The following ERI1 variants were observed in gnomAD, a reference collection of about 807,000 sequenced individuals.
ERI1 encodes 3'-5' exoribonuclease 1.
A neutral mutation model predicts 39.7 loss-of-function variants in ERI1; 39 were observed. The ratio of observed to expected loss-of-function variants is 0.98; its 90% CI spans 0.76 to 1.28. ERI1 has a LOEUF of 1.28. Ranked by LOEUF, ERI1 falls within the 50% of genes most tolerant of loss-of-function variation. ERI1 has a pLI of 0.00. For synonymous variants in ERI1, 204 were observed against 149.6 expected (o/e 1.36, Z -2.65); for missense variants, 581 against 416.9 (o/e 1.39, Z -3.43).
At chr8:9,064,141 G>A (rs1221490098) in intron 3 of ERI1, among the ~76,000 whole-genome samples, 1 of 151,872 alleles carries the variant, frequency 6.6e-6, no homozygotes, top group Non-Finnish European at 1.5e-5. Flanking sequence ...AAGGGATTGG[G>A]GCACAGAGAT....
intron 3 of ERI1, among the ~76,000 whole-genome samples, chr8:9,043,589 A>T (rs531781068): frequency 1.3e-5 from 2 of 152,354 alleles, no homozygotes; most frequent in Admixed American, 6.5e-5. Context: ...AGAAACTTTT[A>T]AATAGATAGT....
chr8:9,003,186 C>T lies in ERI1; in HGVS notation c.108+15C>T, dbSNP rs573980907. ...CCAGTCCCGAGGTGAGGAGTCGACCCGCGCCTGGCTGTTGGCGCCAGCTGC... is the reference window on the plus strand; with the variant it reads ...CCAGTCCCGAGGTGAGGAGTCGACCTGCGCCTGGCTGTTGGCGCCAGCTGC... On this transcript the variant is annotated intron_variant, in intron 1 of 6. Coordinates refer to ENST00000250263, the MANE Select transcript of ERI1 (RefSeq NM_153332.4). 4.0e-6 allele frequency: 5 copies of T among 1,236,724 alleles called. No individual in the cohort carries two copies. Among genetic ancestry groups the T allele is most frequent in the Non-Finnish European group, 5.1e-6 (5 of 988,090 alleles). 76.6% of individuals were successfully genotyped at this position (1,236,724 alleles called of 1,614,324 possible). A position where few individuals can be genotyped will look rare whatever the true frequency, so the allele number is the denominator to read the frequency against.
chr8:9,038,618 G>T (rs768703885), intron 3 of ERI1, among the ~76,000 whole-genome samples: 1 of 152,086 alleles, frequency 6.6e-6, no homozygotes, highest in South Asian at 2.1e-4. Flanking sequence ...TTAGCTGGGC[G>T]TGGTGGCACA....
At chr8:9,005,660 G>T (rs543559179) in intron 1 of ERI1, among the ~76,000 whole-genome samples, 1 of 151,658 alleles carries the variant, frequency 6.6e-6, no homozygotes, top group African/African-American at 2.4e-5. Context: ...GACTACAGGC[G>T]CCCGCCCGGC....
At chr8:9,015,118 T>G (rs560359877) in intron 3 of ERI1, among the ~76,000 whole-genome samples, 1 of 152,332 alleles carries the variant, frequency 6.6e-6, no homozygotes, top group African/African-American at 2.4e-5. Context: ...ATTACAGGCA[T>G]TAGTCACCAC....
chr8:9,038,705 G>A (rs1038471074), intron 3 of ERI1, among the ~76,000 whole-genome samples: 13 of 152,128 alleles, frequency 8.5e-5, no homozygotes, highest in African/African-American at 2.7e-4. Flanking sequence ...TACATTGCAC[G>A]GAGATCTATT....
In ERI1 at chr8:9,003,270, G is replaced by C. The variant is rs942590548; in HGVS notation, c.108+99G>C. On this transcript the variant is annotated intron_variant, in intron 1 of 6. Coordinates refer to ENST00000250263, the MANE Select transcript of ERI1 (RefSeq NM_153332.4). The stretch of plus-strand genomic sequence containing the variant: ...TCTCAGGTGTCCCGCAGAAGGTGCA[G>C]CTGTGCGCCCTTGGACCCCAGCCTC... 44 of 709,592 alleles carry C rather than the reference G, an allele frequency of 6.2e-5. 1 individual carries two copies. In the African/African-American group the frequency reaches 7.7e-4, roughly 12 times the overall value. The allele number at this position is 709,592 out of a possible 1,614,324, so 44.0% of individuals were successfully genotyped here. A position where few individuals can be genotyped will look rare whatever the true frequency, so the allele number is the denominator to read the frequency against.
At position 9,026,859 on chromosome 8, in the gene ERI1, A is replaced by G. The variant is rs1585228689; in HGVS notation, c.808-2933A>G. 4.1e-5 allele frequency among the ~76,000 whole-genome samples: 3 copies of G among 73,980 alleles called. No homozygotes were observed. The South Asian group carries it at 9.0e-4, about 22-fold the overall frequency. The allele number at this position is 73,980 out of a possible 152,430, so 48.5% of individuals were successfully genotyped here. On this transcript the variant is annotated intron_variant, in intron 6 of 6. Transcript: ENST00000250263. ...AGGAATATTTAACCTGTACCACGTT[A>G]AAAAAAAAAAAATCCATTGATTGTT...
intron 1 of ERI1, among the ~76,000 whole-genome samples, chr8:9,006,324 A>G (rs1204435721): frequency 6.6e-6 from 1 of 152,182 alleles, no homozygotes; most frequent in Non-Finnish European, 1.5e-5. Context: ...ATTTTTCTTT[A>G]TGGAAGTCAT....
At chr8:9,082,931 G>T (rs1007594853) in intron 3 of ERI1, among the ~76,000 whole-genome samples, 31 of 152,118 alleles carry the variant, frequency 2.0e-4, no homozygotes, top group Admixed American at 1.1e-3. Context: ...TAAAAGTAGG[G>T]TTACCAGATA....
At chr8:9,089,793 G>A (rs1029923933) in intron 3 of ERI1, among the ~76,000 whole-genome samples, 1 of 152,330 alleles carries the variant, frequency 6.6e-6, no homozygotes, top group Non-Finnish European at 1.5e-5. Context: ...GGATTAGGTG[G>A]CAGAGTCCGC....
chr8:9,076,663 C>T (rs1206008115), intron 3 of ERI1, among the ~76,000 whole-genome samples: 1 of 152,184 alleles, frequency 6.6e-6, no homozygotes, highest in Non-Finnish European at 1.5e-5. Flanking sequence ...GGAGAAACTA[C>T]ATAATATCCA....
chr8:9,049,439 G>C (rs1170495488), intron 3 of ERI1, among the ~76,000 whole-genome samples: 1 of 150,844 alleles, frequency 6.6e-6, no homozygotes, highest in East Asian at 1.9e-4. Context: ...GCATCTGACA[G>C]GGTTGCTGAG....
At chr8:9,016,472 C>T in intron 4 of ERI1, 67 bp downstream of exon 4, 1 of 952,730 alleles carries the variant, frequency 1.0e-6, no homozygotes, top group Non-Finnish European at 1.5e-6. Flanking sequence ...TTATTTTATA[C>T]ATAATTTAAA....
intron 3 of ERI1, among the ~76,000 whole-genome samples, chr8:9,075,407 A>G (rs543432814): frequency 4.3e-4 from 66 of 152,284 alleles, no homozygotes; most frequent in Non-Finnish European, 5.1e-4. Flanking sequence ...GTTTGTGTAC[A>G]ATAATAAGAA....
At chr8:9,072,768 A>T (rs1563372799) in intron 3 of ERI1, among the ~76,000 whole-genome samples, 1 of 151,864 alleles carries the variant, frequency 6.6e-6, no homozygotes, top group African/African-American at 2.4e-5. Flanking sequence ...GAACAGAGTG[A>T]CCCCCCACCC....
intron 3 of ERI1, among the ~76,000 whole-genome samples, chr8:9,097,383 C>G (rs1799908879): frequency 6.6e-6 from 1 of 152,130 alleles, no homozygotes; most frequent in Non-Finnish European, 1.5e-5. Flanking sequence ...TCATTTAGGG[C>G]CAGGTGCGGT....
intron 3 of ERI1, among the ~76,000 whole-genome samples, chr8:9,051,087 G>A (rs971819786): frequency 2.6e-5 from 4 of 151,790 alleles, no homozygotes; most frequent in Non-Finnish European, 5.9e-5. Flanking sequence ...AAGTAGGTAC[G>A]ATAGATATTA....
intron 3 of ERI1, among the ~76,000 whole-genome samples, chr8:9,052,158 G>T (rs1463152693): frequency 2.0e-5 from 3 of 152,192 alleles, no homozygotes; most frequent in Admixed American, 2.0e-4. Context: ...ACACGGGTCT[G>T]CCCAAGGCTG....
Sources: allele counts gnomAD v4.1 joint callset (sites outside exome capture counted in the v4.1 genomes callset), GRCh38; gene constraint gnomAD v4.1.1; transcripts MANE v1.5; gene names NCBI Gene and HGNC (gene_info 2026-07-23, HGNC 2026-07-21).